Variants in LGSN observed in about 807,000 individuals in gnomAD.
The protein encoded by LGSN is lengsin.
Under a neutral mutation model 19.5 loss-of-function variants are expected in LGSN, and 21 were observed. That is an observed-to-expected ratio of 1.07 (90% confidence interval 0.76 to 1.55). The LOEUF is 1.55. Among genes scored for constraint, LGSN ranks in the 40% most tolerant of loss-of-function variants. The pLI is 0.00. For synonymous variants in LGSN, 257 were observed against 215.6 expected (o/e 1.19, Z -1.68); for missense variants, 673 against 608.5 (o/e 1.11, Z -1.12).
the LGSN span, among the ~76,000 whole-genome samples, chr6:63,488,102 A>G: frequency 6.6e-6 from 1 of 152,106 alleles, no homozygotes; most frequent in African/African-American, 2.4e-5. Context: ...TTTCCATATT[A>G]ATAATATCCA....
the LGSN span, among the ~76,000 whole-genome samples, chr6:63,448,152 CCTT>C: frequency 3.3e-5 from 5 of 152,126 alleles, no homozygotes; most frequent in East Asian, 9.6e-4. Flanking sequence ...ACTTGGCAAA[CCTT>C]CTGGATAAAA....
chr6:63,331,635 G>C, the LGSN span, among the ~76,000 whole-genome samples: 4 of 152,154 alleles, frequency 2.6e-5, no homozygotes, highest in Non-Finnish European at 5.9e-5. Context: ...CGCAGCAGCA[G>C]AAACAACCCC....
chr6:63,433,658 T>A, the LGSN span, among the ~76,000 whole-genome samples: 1 of 152,204 alleles, frequency 6.6e-6, no homozygotes, highest in East Asian at 1.9e-4. Flanking sequence ...TGGTTGTAGA[T>A]ATACACACAG....
the LGSN span, among the ~76,000 whole-genome samples, chr6:63,325,489 G>C: frequency 6.6e-6 from 1 of 152,188 alleles, no homozygotes; most frequent in Non-Finnish European, 1.5e-5. Flanking sequence ...GGAAAATCTA[G>C]AGGAAAAGGA....
the LGSN span, among the ~76,000 whole-genome samples, chr6:63,523,479 C>G: frequency 6.6e-6 from 1 of 151,978 alleles, no homozygotes; most frequent in African/African-American, 2.4e-5. Flanking sequence ...CCACTGCACT[C>G]TAGCCTGGGC....
chr6:63,350,139 C>T, the LGSN span, among the ~76,000 whole-genome samples: 108 of 152,270 alleles, frequency 7.1e-4, no homozygotes, highest in East Asian at 8.9e-3. Context: ...TACTTTTGCA[C>T]CAACCTAATA....
the LGSN span, among the ~76,000 whole-genome samples, chr6:63,385,906 A>G: frequency 6.6e-6 from 1 of 152,140 alleles, no homozygotes; most frequent in Admixed American, 6.5e-5. Context: ...CCGATACCCA[A>G]TATCACATAG....
At chr6:63,512,207 C>T in the LGSN span, among the ~76,000 whole-genome samples, 11 of 152,018 alleles carry the variant, frequency 7.2e-5, no homozygotes, top group African/African-American at 1.4e-4. Context: ...CTCAGCCTCC[C>T]GAGTAGCTGG....
chr6:63,432,183 GAA>G, the LGSN span, among the ~76,000 whole-genome samples: 1 of 25,034 alleles, frequency 4.0e-5, no homozygotes, highest in African/African-American at 2.3e-4. Context: ...AGGAAAGAAA[GAA>G]AAGAAAAGAA....
chr6:63,477,075 T>C, the LGSN span, among the ~76,000 whole-genome samples: 3 of 152,230 alleles, frequency 2.0e-5, no homozygotes, highest in Non-Finnish European at 4.4e-5. Context: ...TCTACTGTTT[T>C]TCTGATACCA....
chr6:63,324,143 G>T (rs185598030), upstream of LGSN, among the ~76,000 whole-genome samples: 2 of 152,246 alleles, frequency 1.3e-5, no homozygotes, highest in Admixed American at 1.3e-4. Context: ...AATGCTAGAT[G>T]AGAATGAAAA....
At chr6:63,307,750 TG>T (rs1386667578) in intron 1 of LGSN, among the ~76,000 whole-genome samples, 1 of 152,166 alleles carries the variant, frequency 6.6e-6, no homozygotes, top group East Asian at 1.9e-4. Context: ...GGATTTCTGG[TG>T]GAAAGATAAC....
the LGSN span, among the ~76,000 whole-genome samples, chr6:63,391,875 A>G: frequency 1.3e-5 from 2 of 152,304 alleles, no homozygotes; most frequent in East Asian, 3.9e-4. Flanking sequence ...AGGTCTTTGG[A>G]CATGGAAGGA....
the LGSN span, among the ~76,000 whole-genome samples, chr6:63,360,616 C>G: frequency 6.6e-6 from 1 of 150,384 alleles, no homozygotes; most frequent in Admixed American, 6.6e-5. Flanking sequence ...TCCTTTAGCT[C>G]AGAGTAGTTT....
the LGSN span, among the ~76,000 whole-genome samples, chr6:63,539,505 T>C: frequency 6.6e-6 from 1 of 152,240 alleles, no homozygotes; most frequent in African/African-American, 2.4e-5. Context: ...TGGCCAGGTG[T>C]GTTGGCTCAC....
the LGSN span, among the ~76,000 whole-genome samples, chr6:63,361,032 A>C: frequency 6.6e-6 from 1 of 152,160 alleles, no homozygotes; most frequent in African/African-American, 2.4e-5. Flanking sequence ...GTCTCAGAGG[A>C]GTACCCAGCC....
chr6:63,364,275 G>A, the LGSN span, among the ~76,000 whole-genome samples: 5 of 151,728 alleles, frequency 3.3e-5, no homozygotes, highest in Admixed American at 1.3e-4. Context: ...AAAAAAAAAC[G>A]GGTTGCAATC....
chr6:63,279,915 C>T lies in LGSN; in HGVS notation c.*106G>A. ...AAAAAAAGTCAAAAGCATTCGTAAT[C>T]TTGTTATTGTTGCTGTTGTTAATTA... On this transcript the variant is annotated 3_prime_UTR_variant, in exon 4 of 4. Coordinates refer to ENST00000370657, the MANE Select transcript of LGSN (RefSeq NM_016571.3). 9.3e-7 allele frequency: 1 copy of T among 1,073,030 alleles called. No individual in the cohort carries two copies. 66.5% of individuals were successfully genotyped at this position (1,073,030 alleles called of 1,614,324 possible).
the LGSN span, among the ~76,000 whole-genome samples, chr6:63,442,898 C>T: frequency 6.6e-6 from 1 of 152,236 alleles, no homozygotes; most frequent in African/African-American, 2.4e-5. Context: ...GCTGGCTTCG[C>T]CTAGTGGATC....
Sources: allele counts gnomAD v4.1 joint callset (sites outside exome capture counted in the v4.1 genomes callset), GRCh38; gene constraint gnomAD v4.1.1; transcripts MANE v1.5; gene names NCBI Gene and HGNC (gene_info 2026-07-23, HGNC 2026-07-21).